DDR2: variants seen among roughly 807,000 people sequenced by gnomAD.
DDR2 encodes the protein discoidin domain-containing receptor 2.
In DDR2, 27 loss-of-function variants were observed where a neutral mutation model predicts 94.9. The ratio of observed to expected loss-of-function variants is 0.28; its 90% CI spans 0.21 to 0.39. The LOEUF is 0.39. DDR2 is among the 10% of genes least tolerant of loss of function. The pLI is 1.00. For synonymous variants in DDR2, 382 were observed against 377.2 expected (o/e 1.01, Z -0.15); for missense variants, 783 against 1,076.0 (o/e 0.73, Z 3.81).
intron 3 of DDR2, among the ~76,000 whole-genome samples, chr1:162,739,615 CT>C (rs1434325544): frequency 2.0e-5 from 3 of 152,134 alleles, no homozygotes; most frequent in Non-Finnish European, 4.4e-5. Flanking sequence ...CCCACATTTT[CT>C]TTATCGAATC....
chr1:162,678,007 T>A (rs1353328726), intron 2 of DDR2, among the ~76,000 whole-genome samples: 1 of 152,136 alleles, frequency 6.6e-6, no homozygotes, highest in African/African-American at 2.4e-5. Context: ...TTGGGCAACT[T>A]GTAGGGAAGA....
intron 2 of DDR2, among the ~76,000 whole-genome samples, chr1:162,681,934 T>C (rs1659427150): frequency 6.6e-6 from 1 of 152,200 alleles, no homozygotes. Context: ...TCTGATTCAT[T>C]GTATAATCTG....
At chr1:162,672,909 G>T (rs1438079560) in intron 2 of DDR2, among the ~76,000 whole-genome samples, 2 of 152,142 alleles carry the variant, frequency 1.3e-5, no homozygotes, top group Non-Finnish European at 2.9e-5. Flanking sequence ...AAACCTGTGA[G>T]ATGAGCTCAT....
In DDR2 at chr1:162,786,062, T is replaced by A. The variant is rs978091367; in HGVS notation, c.*5816T>A. The A allele has an allele frequency of 1.3e-5, 2 of 152,102 alleles. No individual in the cohort carries two copies. The highest frequency in any genetic ancestry group is 4.8e-5 in the African/African-American group (2 of 41,408). The allele number at this position is 152,102 out of a possible 1,614,324, so 9.4% of individuals were successfully genotyped here. On this transcript the variant is annotated 3_prime_UTR_variant, in exon 18 of 18. Transcript: ENST00000367921. ...AGCCTGTGCTCATCCACAATCACAATGAACATGTCAAGGAAGAATTTGCAG... is the reference window on the plus strand; with the variant it reads ...AGCCTGTGCTCATCCACAATCACAAAGAACATGTCAAGGAAGAATTTGCAG...
intron 1 of DDR2, among the ~76,000 whole-genome samples, chr1:162,639,983 C>T (rs934740094): frequency 3.3e-5 from 5 of 151,908 alleles, no homozygotes; most frequent in Non-Finnish European, 5.9e-5. Flanking sequence ...TTGTCAAAAC[C>T]CATAGAATGT....
At chr1:162,702,594 T>C (rs1414606371) in intron 2 of DDR2, among the ~76,000 whole-genome samples, 1 of 152,240 alleles carries the variant, frequency 6.6e-6, no homozygotes, top group Non-Finnish European at 1.5e-5. Flanking sequence ...AGTTTAAATG[T>C]CACCCTATTT....
At chr1:162,647,347 G>A (rs566165359) in intron 1 of DDR2, among the ~76,000 whole-genome samples, 16 of 152,196 alleles carry the variant, frequency 1.1e-4, no homozygotes, top group African/African-American at 3.6e-4. Flanking sequence ...TGGACTTGAC[G>A]TTTTCTACTT....
At chr1:162,670,495 A>G (rs1271999371) in intron 2 of DDR2, among the ~76,000 whole-genome samples, 1 of 152,168 alleles carries the variant, frequency 6.6e-6, no homozygotes, top group Non-Finnish European at 1.5e-5. Context: ...TCAACCCATG[A>G]TGGATTCTAA....
At chr1:162,736,127 G>T (rs1432772624) in intron 3 of DDR2, among the ~76,000 whole-genome samples, 1 of 152,208 alleles carries the variant, frequency 6.6e-6, no homozygotes, top group East Asian at 1.9e-4. Context: ...ACAGTCACCT[G>T]GTGGACTGTA....
In DDR2 at chr1:162,759,875, T is replaced by C; in HGVS notation, c.751T>C (p.Trp251Arg). 1 of 1,614,108 alleles carries C rather than the reference T, an allele frequency of 6.2e-7. No individual in the cohort carries two copies. The highest frequency in any genetic ancestry group is 1.1e-5 in the South Asian group (1 of 91,080). The change falls in exon 8 of 18, where the codon TGG becomes CGG. Residue 251 changes from tryptophan to arginine, a missense_variant. This residue lies in a region of DDR2 where 519 missense variants were observed against 647.9 expected (regional missense o/e 0.80). Coordinates refer to ENST00000367921, the MANE Select transcript of DDR2 (RefSeq NM_006182.4). ...DFTQTHEYHV[W>R]PGYDYVGWRN... ...CACCCAGACCCATGAATACCACGTG[T>C]GGCCCGGCTATGACTATGTGGGCTG...
chr1:162,695,231 T>G (rs540744295), intron 2 of DDR2, among the ~76,000 whole-genome samples: 1 of 152,250 alleles, frequency 6.6e-6, no homozygotes, highest in African/African-American at 2.4e-5. Context: ...ATAAAGCAGC[T>G]CTTTTTTCTT....
In DDR2 at chr1:162,759,888, A is replaced by C. The variant is rs370731229; in HGVS notation, c.764A>C (p.Asp255Ala). Residue 255 changes from aspartate (D) to alanine (A), a missense_variant, in exon 8 of 18, where the codon GAC (aspartate) becomes GCC (alanine). Coordinates refer to ENST00000367921, the MANE Select transcript of DDR2 (RefSeq NM_006182.4). ...THEYHVWPGYDYVGWRNESAT... is the reference protein window; with the variant it reads ...THEYHVWPGYAYVGWRNESAT... ...GAATACCACGTGTGGCCCGGCTATG[A>C]CTATGTGGGCTGGCGGAACGAGAGT... The C allele has an allele frequency of 6.2e-7, 1 of 1,614,034 alleles. No individual in the cohort carries two copies. The highest frequency in any genetic ancestry group is 8.5e-7 in the Non-Finnish European group (1 of 1,180,026).
In DDR2 at chr1:162,780,306, C is replaced by T; in HGVS notation, c.*60C>T. ...GGTCCTCCCTACAAGACCTACCACT[C>T]ACCCATGCCTATGCCACTCCATCTG... On this transcript the variant is annotated 3_prime_UTR_variant, in exon 18 of 18. Coordinates refer to ENST00000367921, the MANE Select transcript of DDR2 (RefSeq NM_006182.4). The T allele has an allele frequency of 6.2e-7, 1 of 1,610,654 alleles. No homozygotes were observed. Among genetic ancestry groups the T allele is most frequent in the Non-Finnish European group, 8.5e-7 (1 of 1,177,850 alleles).
At chr1:162,660,107 T>A (rs1180694024) in intron 2 of DDR2, among the ~76,000 whole-genome samples, 1 of 152,180 alleles carries the variant, frequency 6.6e-6, no homozygotes, top group African/African-American at 2.4e-5. Context: ...GTTTCTCCAT[T>A]TATGATGGAT....
intron 2 of DDR2, among the ~76,000 whole-genome samples, chr1:162,662,782 G>A (rs1226879990): frequency 6.6e-6 from 1 of 152,018 alleles, no homozygotes; most frequent in Non-Finnish European, 1.5e-5. Context: ...ACTAATAGTT[G>A]TTCTAATATC....
At chr1:162,705,044 CT>C (rs1304172923) in intron 2 of DDR2, 2 of 152,302 alleles carry the variant, frequency 1.3e-5, no homozygotes, top group African/African-American at 2.4e-5. Context: ...TGCTGTTCTG[CT>C]TTGCAGATGC....
At position 162,762,092 on chromosome 1, in the gene DDR2, CT is replaced by C. The variant is rs1663776144; in HGVS notation, c.1099+640del. ...AGTATGACTAACTGTCCATCAATGTCTTAATTCAGTTGACTTTATCAAATAA... is the reference window on the plus strand; with the variant it reads ...AGTATGACTAACTGTCCATCAATGTCTAATTCAGTTGACTTTATCAAATAA... On this transcript the variant is annotated intron_variant, in intron 9 of 17. Transcript: ENST00000367921. Among the ~76,000 whole-genome samples, 16 of 152,314 alleles carry C rather than the reference CT, an allele frequency of 1.1e-4. No homozygotes were observed. In the South Asian group the frequency reaches 3.3e-3, roughly 32 times the overall value.
intron 2 of DDR2, among the ~76,000 whole-genome samples, chr1:162,664,161 T>C (rs1212414713): frequency 6.6e-6 from 1 of 152,166 alleles, no homozygotes; most frequent in Non-Finnish European, 1.5e-5. Flanking sequence ...AAACTAATTT[T>C]ATGAAGACTT....
In DDR2 at chr1:162,785,284, T is replaced by A. The variant is rs562961857; in HGVS notation, c.*5038T>A. 2 of 152,262 alleles carry A rather than the reference T, an allele frequency of 1.3e-5. No individual in the cohort carries two copies. The highest frequency in any genetic ancestry group is 3.9e-4 in the East Asian group (2 of 5,174). 9.4% of individuals were successfully genotyped at this position (152,262 alleles called of 1,614,324 possible). ...TAAGGAGTTTAGAGTAAACCAGTAT[T>A]TCAGTCAAGAGTTAGTTGGCACTTA... On this transcript the variant is annotated 3_prime_UTR_variant, in exon 18 of 18. Transcript: ENST00000367921.
Sources: gnomAD v4.1 joint callset for allele counts (sites outside exome capture counted in the v4.1 genomes callset) on GRCh38, gnomAD v4.1.1 for gene constraint, gnomAD v4.1.1 regional missense constraint, MANE v1.5 for transcripts, NCBI Gene and HGNC (gene_info 2026-07-23, HGNC 2026-07-21) for gene names.